Variants in CTSD observed in about 807,000 individuals in gnomAD.
CTSD encodes the protein ceroid-lipofuscinosis, neuronal 10.
A neutral mutation model predicts 43.6 loss-of-function variants in CTSD; 28 were observed. The ratio of observed to expected loss-of-function variants is 0.64; its 90% CI spans 0.48 to 0.88. The LOEUF is 0.88. Ranked by LOEUF, CTSD falls within the 40% of genes least tolerant of loss-of-function variation. The pLI is 0.00. For missense variants in CTSD, 485 were observed against 555.2 expected (o/e 0.87, Z 1.27); for synonymous variants, 270 against 249.8 (o/e 1.08, Z -0.76).
rs373309828 is a variant in CTSD at position 1,756,744 on chromosome 11, G to A, written c.704+580C>T. On this transcript the variant is annotated intron_variant, in intron 5 of 8. Coordinates refer to ENST00000236671, the MANE Select transcript of CTSD (RefSeq NM_001909.5). ...GGTCACCCAAGCTGGAGCAGCGGCTGCAGGTGGGGGCCCTGGGGGAGAACC... is the reference window on the plus strand; with the variant it reads ...GGTCACCCAAGCTGGAGCAGCGGCTACAGGTGGGGGCCCTGGGGGAGAACC... Among the ~76,000 whole-genome samples, 795 of 152,316 alleles carry A rather than the reference G, an allele frequency of 5.2e-3. 7 individuals carry two copies. The highest frequency in any genetic ancestry group is 0.018 in the African/African-American group (763 of 41,564).
In CTSD at chr11:1,759,007, C is replaced by T. The variant is rs1365308936; in HGVS notation, c.433G>A (p.Gly145Ser). ...GTSFDIHYGS[G>S]SLSGYLSQDT... ...TGGCTCAGGTACCCGGAGAGGCTGC[C>T]CGAGCCATAGTGGATGTCAAACGAG... is the stretch of plus-strand genomic sequence containing the variant. Residue 145 changes from glycine to serine, a missense_variant, in exon 4 of 9, where the codon GGC (glycine) becomes AGC (serine). Physicochemically the swap from Gly to Ser is moderately conservative, Grantham distance 56. Coordinates refer to ENST00000236671, the MANE Select transcript of CTSD (RefSeq NM_001909.5). 3.7e-6 allele frequency: 6 copies of T among 1,614,006 alleles called. No homozygotes were observed. The highest frequency in any genetic ancestry group is 5.1e-6 in the Non-Finnish European group (6 of 1,179,898).
Position 1,759,187 on chromosome 11 carries a change from C to A in CTSD, c.353-100G>T, listed in dbSNP as rs1845845154. On this transcript the variant is annotated intron_variant, in intron 3 of 8. Coordinates refer to ENST00000236671, the MANE Select transcript of CTSD (RefSeq NM_001909.5). ...CAATCTACCATGGAGCCCGCACCCC[C>A]CAAGCTGCCTCCCCAGGGTGGGATT... 13 of 1,006,146 alleles carry A rather than the reference C, an allele frequency of 1.3e-5. 1 individual carries two copies. In the East Asian group the frequency reaches 1.7e-4, roughly 13 times the overall value. 62.3% of individuals were successfully genotyped at this position (1,006,146 alleles called of 1,614,324 possible). A position where few individuals can be genotyped will look rare whatever the true frequency, so the allele number is the denominator to read the frequency against.
rs573786041 is a variant in CTSD at position 1,753,758 on chromosome 11, A to G, written c.1071+45T>C. On this transcript the variant is annotated intron_variant, in intron 8 of 8. Transcript: ENST00000236671. ...GCTCACCTGGAGCGTGCGCCCCCTC[A>G]CCGCCCGCTCACCTGGGGCGTGCGG... 6 of 1,604,700 alleles carry G rather than the reference A, an allele frequency of 3.7e-6. No homozygotes were observed. In the South Asian group the frequency reaches 6.6e-5, roughly 18 times the overall value.
At position 1,753,574 on chromosome 11, in the gene CTSD, T is replaced by C. The variant is rs770542776; in HGVS notation, c.1168A>G (p.Ile390Val). Residue 390 changes from isoleucine to valine, a missense_variant, in exon 9 of 9, where the codon ATC (isoleucine) becomes GTC (valine). Coordinates refer to ENST00000236671, the MANE Select transcript of CTSD (RefSeq NM_001909.5). ...GPLWILGDVF[I>V]GRYYTVFDRD... is the part of the protein sequence containing the mutation. Reference sequence around the variant, plus strand: ...TCAAACACAGTGTAGTAGCGGCCGATGAAGACGTCGCCCAGGATCCAGAGT... The same window carrying C: ...TCAAACACAGTGTAGTAGCGGCCGACGAAGACGTCGCCCAGGATCCAGAGT... 1 of 1,612,954 alleles carries C rather than the reference T, an allele frequency of 6.2e-7. No individual in the cohort carries two copies. Among genetic ancestry groups the C allele is most frequent in the Non-Finnish European group, 8.5e-7 (1 of 1,179,932 alleles).
rs188150239 is a variant in CTSD, at chr11:1,753,209, C to T, written c.*294G>A. ...AAGGGAGCCCCAGGATACACGAGCT[C>T]GGCTGCCAAGCTTGGGTGGGGTCTT... On this transcript the variant is annotated 3_prime_UTR_variant, in exon 9 of 9. Transcript: ENST00000236671. 9 of 477,234 alleles carry T rather than the reference C, an allele frequency of 1.9e-5. No homozygotes were observed. The highest frequency in any genetic ancestry group is 4.0e-5 in the East Asian group (1 of 24,788). 29.6% of individuals were successfully genotyped at this position (477,234 alleles called of 1,614,324 possible). A position where few individuals can be genotyped will look rare whatever the true frequency, so the allele number is the denominator to read the frequency against.
At chr11:1,759,490 C>T (rs1400701779) in intron 3 of CTSD, 26 bp downstream of exon 3, 29 of 1,612,258 alleles carry the variant, frequency 1.8e-5, no homozygotes, top group East Asian at 2.2e-5. Context: ...AGGACCTGGG[C>T]GACGGGGCCA....
rs1275398258 is a variant in CTSD at position 1,763,809 on chromosome 11, G to A, written c.51C>T (p.Pro17=). The A allele has an allele frequency of 3.3e-6, 5 of 1,526,462 alleles. No individual in the cohort carries two copies. Among genetic ancestry groups the A allele is most frequent in the African/African-American group, 1.4e-5 (1 of 70,940 alleles). 94.6% of individuals were successfully genotyped at this position (1,526,462 alleles called of 1,614,324 possible). The change falls in exon 1 of 9, where the codon CCC becomes CCT. Residue 17 remains proline, a synonymous_variant. Transcript: ENST00000236671. ...GGCTTCACCTGACGAGCGCGGAGGC[G>A]GGTGCAGCCAGCAGGCAGAGGGCGA... ...LPLALCLLAA[P]ASALVRIPLH...
In CTSD at chr11:1,761,398, T is replaced by A; in HGVS notation, c.139A>T (p.Ile47Phe). Reference sequence around the variant, plus strand: ...TACTTTGAGACGGGGCCTTTGGCAATCAGGTCCTCCACAGAGCCCCCAACC... The same window carrying A: ...TACTTTGAGACGGGGCCTTTGGCAAACAGGTCCTCCACAGAGCCCCCAACC... ...SEVGGSVEDLIAKGPVSKYSQ... is the reference protein window; with the variant it reads ...SEVGGSVEDLFAKGPVSKYSQ... Residue 47 changes from isoleucine to phenylalanine, a missense_variant, in exon 2 of 9, where the codon ATT becomes TTT. Physicochemically the swap from Ile to Phe is conservative, Grantham distance 21. Transcript: ENST00000236671. 6.2e-7 allele frequency: 1 copy of A among 1,613,752 alleles called. No homozygotes were observed. The highest frequency in any genetic ancestry group is 8.5e-7 in the Non-Finnish European group (1 of 1,179,994).
intron 4 of CTSD, chr11:1,757,916 G>T (rs1590906597): frequency 2.8e-6 from 1 of 354,940 alleles, no homozygotes; most frequent in East Asian, 7.1e-5. Context: ...CACAGCCTGG[G>T]CCAGGAGCCC....
At chr11:1,754,516 A>G (rs868424082) in intron 6 of CTSD, among the ~76,000 whole-genome samples, 12 of 32,632 alleles carry the variant, frequency 3.7e-4, no homozygotes, top group African/African-American at 9.3e-4. Flanking sequence ...GGAGGGATGG[A>G]GGGATGGAGG....
rs1424436839 is a variant in CTSD at position 1,754,386 on chromosome 11, G to GAGGGATGGA, written c.828-257_828-249dup. On this transcript the variant is annotated intron_variant, in intron 6 of 8. Transcript: ENST00000236671. The stretch of plus-strand genomic sequence containing the variant: ...GGGATGGAGGGGATGGAGGGGCATA[G>GAGGGATGGA]AGGGATGGAGGGGATGGAGGGGATG... The GAGGGATGGA allele has an allele frequency of 9.0e-4, 512 of 566,696 alleles. 1 individual carries two copies. The highest frequency in any genetic ancestry group is 1.3e-3 in the Non-Finnish European group (420 of 317,562). The allele number at this position is 566,696 out of a possible 1,614,324, so 35.1% of individuals were successfully genotyped here.
rs1845849420 is a variant in CTSD at position 1,759,553 on chromosome 11, G to T, written c.315C>A (p.Val105=). 1 of 1,613,606 alleles carries T rather than the reference G, an allele frequency of 6.2e-7. No homozygotes were observed. Among genetic ancestry groups the T allele is most frequent in the Non-Finnish European group, 8.5e-7 (1 of 1,179,998 alleles). ...CCAGCAGTTTGCAGTGGATGGAGGG[G>T]ACCCACAGGTTGGAGGAGCCCGTGT... ...VFDTGSSNLW[V]PSIHCKLLDI... is the part of the protein sequence containing the mutation. Residue 105 remains valine, a synonymous_variant, in exon 3 of 9, where the codon GTC becomes GTA. Coordinates refer to ENST00000236671, the MANE Select transcript of CTSD (RefSeq NM_001909.5).
chr11:1,754,431 A>AGGGATGGAGGGATGGAGGGATGGAG (rs1845774559), intron 6 of CTSD, among the ~76,000 whole-genome samples: 1 of 81,856 alleles, frequency 1.2e-5, no homozygotes, highest in Non-Finnish European at 2.6e-5. Flanking sequence ...AGGGGCATGG[A>AGGGATGGAGGGATGGAGGGATGGAG]GGGATGGAGG....
intron 5 of CTSD, chr11:1,755,334 G>A (rs1163767785): frequency 2.2e-6 from 1 of 445,104 alleles, no homozygotes; most frequent in Non-Finnish European, 4.2e-6. Context: ...CGGCAGACAA[G>A]GAAGTGAGTG....
chr11:1,757,573 A>G lies in CTSD; in HGVS notation c.472-17T>C, dbSNP rs764584849. The G allele has an allele frequency of 6.3e-7, 1 of 1,595,396 alleles. No individual in the cohort carries two copies. Among genetic ancestry groups the G allele is most frequent in the Non-Finnish European group, 8.5e-7 (1 of 1,172,624 alleles). The stretch of plus-strand genomic sequence containing the variant: ...GCAGGGCACCTGCAGGCCAGGGCAG[A>G]GTCAGTGGGCAGCAGACAGGCTGAG... On this transcript the variant is annotated splice_polypyrimidine_tract_variant and intron_variant, in intron 4 of 8. Coordinates refer to ENST00000236671, the MANE Select transcript of CTSD (RefSeq NM_001909.5).
rs748719137 is a variant in CTSD at position 1,753,717 on chromosome 11, C to A, written c.1072-47G>T. The stretch of plus-strand genomic sequence containing the variant: ...GTACCCAGGCCTAGCACCACCCGCC[C>A]CCCCACCTGTTGCCCGCTCACCTGG... On this transcript the variant is annotated intron_variant, in intron 8 of 8. Transcript: ENST00000236671. The A allele has an allele frequency of 2.7e-5, 44 of 1,609,652 alleles. No individual in the cohort carries two copies. In the South Asian group the frequency reaches 4.1e-4, roughly 15 times the overall value.
intron 1 of CTSD, chr11:1,761,977 C>T: frequency 5.2e-6 from 1 of 192,416 alleles, no homozygotes; most frequent in Non-Finnish European, 1.1e-5. Flanking sequence ...GCCCCACCTC[C>T]AGGCTGGCAC....
Position 1,761,417 on chromosome 11 carries a change from C to T in CTSD, c.120G>A (p.Gly40=), listed in dbSNP as rs765036377. The change falls in exon 2 of 9, where the codon GGG becomes GGA. Residue 40 remains glycine, a synonymous_variant. Transcript: ENST00000236671. ...TGGCAATCAGGTCCTCCACAGAGCC[C>T]CCAACCTCCGACATGGTCCGGCGGA... The part of the protein sequence containing the change: ...TSIRRTMSEV[G]GSVEDLIAKG... 1.2e-6 allele frequency: 2 copies of T among 1,613,778 alleles called. No homozygotes were observed. Among genetic ancestry groups the T allele is most frequent in the Non-Finnish European group, 1.7e-6 (2 of 1,180,024 alleles).
intron 4 of CTSD, chr11:1,758,070 G>A: frequency 4.6e-6 from 1 of 215,110 alleles, no homozygotes; most frequent in African/African-American, 2.3e-5. Flanking sequence ...GGGAACGACA[G>A]CTTGAGGCTG....
Sources: gnomAD v4.1 joint callset for allele counts (sites outside exome capture counted in the v4.1 genomes callset) on GRCh38, gnomAD v4.1.1 for gene constraint, MANE v1.5 for transcripts, NCBI Gene and HGNC (gene_info 2026-07-23, HGNC 2026-07-21) for gene names.